Variants in RANBP2 observed in about 807,000 individuals in gnomAD.
RANBP2 encodes RAN binding protein 2, also known as E3 SUMO-protein ligase RanBP2.
Under a neutral mutation model 303.6 loss-of-function variants are expected in RANBP2, and 57 were observed. The observed-to-expected ratio is 0.19, with a 90% confidence interval of 0.15 to 0.23. RANBP2 has a LOEUF of 0.23. Ranked by LOEUF, RANBP2 falls within the 10% of genes least tolerant of loss-of-function variation. The probability of loss-of-function intolerance (pLI) is 1.00; values close to 1 mark genes in which losing one functional copy is unlikely to be tolerated. For missense variants in RANBP2, 3,138 were observed against 3,780.8 expected, an observed-to-expected ratio of 0.83 and a Z score of 4.46; for synonymous variants, 1,167 against 1,301.5, an observed-to-expected ratio of 0.90 and a Z score of 2.23.
At chr2:109,539,323 C>T in the RANBP2 span, among the ~76,000 whole-genome samples, 1 of 152,030 alleles carries the variant, frequency 6.6e-6, no homozygotes, top group African/African-American at 2.4e-5. Flanking sequence ...ATTGAGTGCA[C>T]AGTTCTATGA....
the RANBP2 span, among the ~76,000 whole-genome samples, chr2:109,188,514 G>GA: frequency 1.3e-5 from 2 of 152,218 alleles, no homozygotes; most frequent in African/African-American, 4.8e-5. Flanking sequence ...TGGTCTGGAT[G>GA]AAAGAGACCA....
the RANBP2 span, chr2:109,552,590 G>A: frequency 1.3e-5 from 2 of 157,082 alleles, no homozygotes; most frequent in Non-Finnish European, 2.8e-5. Flanking sequence ...CGCATACACT[G>A]TGTTGCCACT....
At chr2:108,927,658 C>T in the RANBP2 span, among the ~76,000 whole-genome samples, 4 of 152,064 alleles carry the variant, frequency 2.6e-5, no homozygotes, top group Non-Finnish European at 4.4e-5. Context: ...TCTACTACAG[C>T]GGCCCCCAGC....
the RANBP2 span, among the ~76,000 whole-genome samples, chr2:109,773,459 AGGG>A: frequency 2.4e-5 from 2 of 84,800 alleles, no homozygotes; most frequent in Admixed American, 1.4e-4. Context: ...GAAGAACGCG[AGGG>A]TGGAATCTGT....
the RANBP2 span, among the ~76,000 whole-genome samples, chr2:108,988,731 GC>G: frequency 1.3e-5 from 2 of 152,182 alleles, no homozygotes; most frequent in African/African-American, 2.4e-5. Context: ...AACCAAATGT[GC>G]AACCAACAGC....
rs1351937270 is a variant in RANBP2 at position 108,783,361 on chromosome 2, A to AT, written c.9370-235_9370-234insT. On this transcript the variant is annotated intron_variant, in intron 28 of 28. Transcript: ENST00000283195. The stretch of plus-strand genomic sequence containing the variant: ...AAAAAAAAAAAAAAAAAAAAAAAAA[A>AT]ATCAAATTTTCAGTACTTGAGATCT... 4.7e-5 allele frequency among the ~76,000 whole-genome samples: 7 copies of AT among 150,054 alleles called. No homozygotes were observed. In the East Asian group the frequency reaches 1.4e-3, roughly 29 times the overall value.
the RANBP2 span, among the ~76,000 whole-genome samples, chr2:108,908,697 A>T: frequency 6.6e-6 from 1 of 152,050 alleles, no homozygotes; most frequent in Non-Finnish European, 1.5e-5. Flanking sequence ...TGGAGCTTAA[A>T]CTCTCTTAAA....
the RANBP2 span, among the ~76,000 whole-genome samples, chr2:109,238,308 T>C: frequency 6.6e-6 from 1 of 152,230 alleles, no homozygotes; most frequent in Non-Finnish European, 1.5e-5. Flanking sequence ...CTAATATCAC[T>C]GTATTTTTAA....
chr2:109,081,338 T>C, the RANBP2 span, among the ~76,000 whole-genome samples: 3 of 152,130 alleles, frequency 2.0e-5, no homozygotes, highest in Non-Finnish European at 2.9e-5. Flanking sequence ...AAAGGAAATA[T>C]ACATCACCTC....
At chr2:109,514,917 A>G in the RANBP2 span, among the ~76,000 whole-genome samples, 1 of 44,126 alleles carries the variant, frequency 2.3e-5, no homozygotes, top group Non-Finnish European at 4.3e-5. Context: ...ATCTTCCCCC[A>G]TGCCCCTCAC....
chr2:109,162,248 T>C, the RANBP2 span, among the ~76,000 whole-genome samples: 1 of 152,124 alleles, frequency 6.6e-6, no homozygotes, highest in Non-Finnish European at 1.5e-5. Flanking sequence ...TGAAGACAAG[T>C]GGTGGTGGAG....
In RANBP2 at chr2:108,785,479, C is replaced by G. The variant is rs1558947156; in HGVS notation, c.*1578C>G. ...ATAAATTCTTAAGTTAATGCAAGTG[C>G]TTTTTAAGAGACTTTTTACAGATTT... On this transcript the variant is annotated 3_prime_UTR_variant, in exon 29 of 29. Transcript: ENST00000283195. 6.6e-6 allele frequency: 1 copy of G among 152,216 alleles called. No homozygotes were observed. The highest frequency in any genetic ancestry group is 1.5e-5 in the Non-Finnish European group (1 of 68,040). 9.4% of individuals were successfully genotyped at this position (152,216 alleles called of 1,614,324 possible). A position where few individuals can be genotyped will look rare whatever the true frequency, so the allele number is the denominator to read the frequency against.
the RANBP2 span, among the ~76,000 whole-genome samples, chr2:109,489,926 CAG>C: frequency 6.6e-6 from 1 of 152,134 alleles, no homozygotes; most frequent in African/African-American, 2.4e-5. Context: ...TTAGTAGAGA[CAG>C]GGTTTCACCA....
At chr2:109,096,915 A>T in the RANBP2 span, among the ~76,000 whole-genome samples, 1 of 151,656 alleles carries the variant, frequency 6.6e-6, no homozygotes, top group Non-Finnish European at 1.5e-5. Flanking sequence ...TCTGCACGAG[A>T]CTCAGCACAA....
the RANBP2 span, among the ~76,000 whole-genome samples, chr2:109,375,743 C>G: frequency 4.5e-4 from 69 of 152,232 alleles, no homozygotes; most frequent in African/African-American, 1.5e-3. Flanking sequence ...CTGCAGCCCC[C>G]CTCTCTTTCT....
At chr2:109,506,431 C>A in the RANBP2 span, among the ~76,000 whole-genome samples, 1 of 152,232 alleles carries the variant, frequency 6.6e-6, no homozygotes, top group Non-Finnish European at 1.5e-5. Context: ...GACATTTGAT[C>A]TTAGAGAGGC....
At chr2:109,145,890 A>T in the RANBP2 span, among the ~76,000 whole-genome samples, 1 of 152,104 alleles carries the variant, frequency 6.6e-6, no homozygotes, top group Non-Finnish European at 1.5e-5. Context: ...GCGTAGGGCT[A>T]TGGGTGTGCG....
the RANBP2 span, among the ~76,000 whole-genome samples, chr2:109,158,860 C>G: frequency 6.6e-6 from 1 of 152,156 alleles, no homozygotes; most frequent in Non-Finnish European, 1.5e-5. Context: ...GTCCTTATGA[C>G]AAGCCAGCCA....
chr2:108,857,986 T>G, the RANBP2 span, among the ~76,000 whole-genome samples: 2 of 152,222 alleles, frequency 1.3e-5, no homozygotes, highest in Non-Finnish European at 2.9e-5. Flanking sequence ...AATGCAAATT[T>G]GAATAAAGTC....
Sources: allele counts gnomAD v4.1 joint callset (sites outside exome capture counted in the v4.1 genomes callset), GRCh38; gene constraint gnomAD v4.1.1; transcripts MANE v1.5; gene names NCBI Gene and HGNC (gene_info 2026-07-23, HGNC 2026-07-21).